Variants in STX2 observed in about 807,000 individuals in gnomAD.
STX2 encodes syntaxin 2, also known as syntaxin-2.
Under a neutral mutation model 40.6 loss-of-function variants are expected in STX2, and 27 were observed. The observed-to-expected ratio is 0.66, with a 90% CI of 0.49 to 0.92. STX2 has a LOEUF of 0.92. STX2 is among the 40% of genes least tolerant of loss of function. STX2 has a pLI of 0.00. For missense variants in STX2, 328 were observed against 366.1 expected (o/e 0.90, Z 0.85); for synonymous variants, 123 against 119.1 (o/e 1.03, Z -0.22).
intron 6 of STX2, among the ~76,000 whole-genome samples, chr12:130,802,598 A>G (rs1951274447): frequency 6.6e-6 from 1 of 152,202 alleles, no homozygotes; most frequent in South Asian, 2.1e-4. Flanking sequence ...CCTAGGCTCA[A>G]GCAATCCTCC....
chr12:130,837,523 G>T (rs1037662045), intron 1 of STX2, among the ~76,000 whole-genome samples: 4 of 152,064 alleles, frequency 2.6e-5, no homozygotes, highest in Non-Finnish European at 5.9e-5. Context: ...ACCTCAAGTG[G>T]TCCACCCAAC....
At chr12:130,828,335 C>G (rs1952405713) in intron 1 of STX2, among the ~76,000 whole-genome samples, 1 of 150,438 alleles carries the variant, frequency 6.6e-6, no homozygotes, top group Non-Finnish European at 1.5e-5. Context: ...TCAAGTAATG[C>G]TTATGCCCCA....
At chr12:130,807,357 G>C (rs1453748955) in intron 5 of STX2, among the ~76,000 whole-genome samples, 1 of 152,256 alleles carries the variant, frequency 6.6e-6, no homozygotes, top group Non-Finnish European at 1.5e-5. Context: ...CAAGGTCACA[G>C]GCTTTTCTGA....
At chr12:130,831,638 C>G (rs1422733481) in intron 1 of STX2, among the ~76,000 whole-genome samples, 1 of 152,124 alleles carries the variant, frequency 6.6e-6, no homozygotes, top group Non-Finnish European at 1.5e-5. Context: ...TCTCAAAAAA[C>G]AAATAAATAA....
At chr12:130,832,695 C>G (rs1952614588) in intron 1 of STX2, among the ~76,000 whole-genome samples, 1 of 152,196 alleles carries the variant, frequency 6.6e-6, no homozygotes, top group African/African-American at 2.4e-5. Context: ...TTACACCAGG[C>G]CGTGGAGACG....
chr12:130,801,327 C>G (rs181287661), intron 7 of STX2, 37 bp from the exon 8 acceptor site: 127 of 1,600,506 alleles, frequency 7.9e-5, no homozygotes, highest in Non-Finnish European at 3.4e-6. Flanking sequence ...TATTAATAAA[C>G]TTATGATGGG....
chr12:130,833,921 A>G (rs1441833608), intron 1 of STX2, among the ~76,000 whole-genome samples: 3 of 152,356 alleles, frequency 2.0e-5, no homozygotes, highest in African/African-American at 7.2e-5. Context: ...CAGAGCACAA[A>G]TGACAGTATG....
At chr12:130,831,011 A>G (rs1239578623) in intron 1 of STX2, among the ~76,000 whole-genome samples, 1 of 152,222 alleles carries the variant, frequency 6.6e-6, no homozygotes, top group Non-Finnish European at 1.5e-5. Context: ...TAGTAAAATC[A>G]CAACTCTCCC....
intron 2 of STX2, among the ~76,000 whole-genome samples, chr12:130,826,064 G>A (rs529557390): frequency 1.3e-5 from 2 of 152,300 alleles, no homozygotes; most frequent in East Asian, 3.9e-4. Context: ...GCACCGCCAG[G>A]CCGCCACATT....
intron 3 of STX2, 150 bp from the exon 4 acceptor site, chr12:130,813,181 C>T: frequency 2.0e-6 from 1 of 488,586 alleles, no homozygotes; most frequent in Non-Finnish European, 3.4e-6. Flanking sequence ...ACCAGTGGTT[C>T]TCAAGGTGGG....
intron 1 of STX2, among the ~76,000 whole-genome samples, chr12:130,836,012 C>T (rs1162287983): frequency 6.8e-6 from 1 of 147,974 alleles, no homozygotes; most frequent in African/African-American, 2.7e-5. Flanking sequence ...GTTAATCAGA[C>T]ATTGTTGATG....
At chr12:130,822,050 C>A (rs1952136425) in intron 2 of STX2, among the ~76,000 whole-genome samples, 1 of 152,152 alleles carries the variant, frequency 6.6e-6, no homozygotes, top group Non-Finnish European at 1.5e-5. Flanking sequence ...AGTCAAGTCC[C>A]AAGCATGACA....
chr12:130,836,003 T>A (rs1472572656), intron 1 of STX2, among the ~76,000 whole-genome samples: 9 of 152,216 alleles, frequency 5.9e-5, no homozygotes, highest in African/African-American at 1.9e-4. Flanking sequence ...AAATACTTTG[T>A]TAATCAGACA....
intron 4 of STX2, 39 bp downstream of exon 4, chr12:130,812,918 T>A: frequency 7.3e-7 from 1 of 1,361,908 alleles, no homozygotes; most frequent in Admixed American, 2.3e-5. Context: ...ATACCCATAC[T>A]CCCAACATCA....
chr12:130,813,117 A>G (rs1951723080), intron 3 of STX2, 86 bp from the exon 4 acceptor site: 1 of 840,572 alleles, frequency 1.2e-6, no homozygotes, highest in Non-Finnish European at 1.7e-6. Flanking sequence ...TTTAAGTGAA[A>G]CAGTATCCTT....
At chr12:130,837,584 TC>T (rs557503769) in intron 1 of STX2, among the ~76,000 whole-genome samples, 39 of 152,228 alleles carry the variant, frequency 2.6e-4, no homozygotes, top group Middle Eastern at 6.8e-3. Context: ...GCGACTGGCC[TC>T]CTGCTAATTT....
chr12:130,837,689 A>G (rs1952793755), intron 1 of STX2, among the ~76,000 whole-genome samples: 1 of 152,204 alleles, frequency 6.6e-6, no homozygotes, highest in African/African-American at 2.4e-5. Context: ...GATCTCCCAG[A>G]CTGCTGGGAT....
chr12:130,801,400 C>T lies in STX2; in HGVS notation c.537+15G>A, dbSNP rs1215762943. 4 of 1,603,820 alleles carry T rather than the reference C, an allele frequency of 2.5e-6. No homozygotes were observed. The highest frequency in any genetic ancestry group is 4.5e-5 in the East Asian group (2 of 44,688). ...AGAAGAGGACATGGAGCCACAGGGC[C>T]GCACCCCCACTCACGTCGGAAGTGA... On this transcript the variant is annotated intron_variant, in intron 7 of 10. Transcript: ENST00000392373.
chr12:130,795,316 T>A (rs986526868), intron 10 of STX2, among the ~76,000 whole-genome samples: 1 of 152,318 alleles, frequency 6.6e-6, no homozygotes, highest in Non-Finnish European at 1.5e-5. Context: ...TAAAGTACCT[T>A]TCAGTGTTGC....
Sources: gnomAD v4.1 joint callset for allele counts (sites outside exome capture counted in the v4.1 genomes callset) on GRCh38, gnomAD v4.1.1 for gene constraint, MANE v1.5 for transcripts, NCBI Gene and HGNC (gene_info 2026-07-23, HGNC 2026-07-21) for gene names.